Variants in LARGE1 observed in about 807,000 individuals in gnomAD.
LARGE1 encodes the protein LARGE xylosyl- and glucuronyltransferase 1, also known as xylosyl- and glucuronyltransferase LARGE1.
LARGE1 carries 43 observed loss-of-function variants against 87.6 expected under a neutral mutation model. That is an observed-to-expected ratio of 0.49 (90% confidence interval 0.38 to 0.63). LARGE1 has a LOEUF of 0.63. LARGE1 is among the 30% of genes least tolerant of loss of function. The probability of loss-of-function intolerance (pLI) is 0.00; values close to 1 mark genes in which losing one functional copy is unlikely to be tolerated. For missense variants in LARGE1, 802 were observed against 1,000.2 expected, an observed-to-expected ratio of 0.80 and a Z score of 2.67; for synonymous variants, 434 against 394.6, an observed-to-expected ratio of 1.10 and a Z score of -1.18.
At chr22:33,713,798 A>G (rs941917022) in intron 2 of LARGE1, among the ~76,000 whole-genome samples, 5 of 151,774 alleles carry the variant, frequency 3.3e-5, no homozygotes, top group African/African-American at 1.2e-4. Flanking sequence ...GCCTACAAAA[A>G]ATTTAATATT....
chr22:33,400,481 T>A (rs932458554), intron 7 of LARGE1, among the ~76,000 whole-genome samples: 3 of 152,232 alleles, frequency 2.0e-5, no homozygotes, highest in African/African-American at 7.2e-5. Context: ...TCAGATCTGC[T>A]GGCCAGTTTG....
chr22:33,201,101 G>T (rs946800680), intron 11 of LARGE1, among the ~76,000 whole-genome samples: 2 of 152,136 alleles, frequency 1.3e-5, no homozygotes, highest in African/African-American at 4.8e-5. Flanking sequence ...TTGAGGTCAG[G>T]AGTTCGTGAC....
chr22:33,723,288 A>C (rs2083164454), intron 2 of LARGE1, among the ~76,000 whole-genome samples: 1 of 152,200 alleles, frequency 6.6e-6, no homozygotes, highest in African/African-American at 2.4e-5. Flanking sequence ...CTGCAGACCA[A>C]GCCCAGATTT....
intron 11 of LARGE1, among the ~76,000 whole-genome samples, chr22:33,225,357 T>C (rs1925680561): frequency 6.6e-6 from 1 of 152,184 alleles, no homozygotes. Context: ...AGTAAGGAGA[T>C]CAATGATTGA....
At chr22:33,842,070 T>C (rs1013928621) in intron 1 of LARGE1, among the ~76,000 whole-genome samples, 14 of 152,252 alleles carry the variant, frequency 9.2e-5, no homozygotes, top group Admixed American at 7.9e-4. Context: ...TAAACACAGT[T>C]ACTGTTATCG....
chr22:33,661,676 C>A (rs1315194505), intron 2 of LARGE1, among the ~76,000 whole-genome samples: 2 of 152,058 alleles, frequency 1.3e-5, no homozygotes, highest in Non-Finnish European at 2.9e-5. Flanking sequence ...GGCTTCTGTG[C>A]CCCTCCTGCT....
intron 1 of LARGE1, among the ~76,000 whole-genome samples, chr22:33,857,491 C>T (rs1275375478): frequency 6.6e-6 from 1 of 152,226 alleles, no homozygotes; most frequent in African/African-American, 2.4e-5. Flanking sequence ...CACATACTAA[C>T]AAAACACTTA....
chr22:33,776,273 G>A (rs1394055141), intron 1 of LARGE1, among the ~76,000 whole-genome samples: 1 of 152,178 alleles, frequency 6.6e-6, no homozygotes, highest in African/African-American at 2.4e-5. Context: ...GTTTAATTGA[G>A]CCACAGGCAG....
intron 1 of LARGE1, among the ~76,000 whole-genome samples, chr22:33,831,273 G>A (rs1439008256): frequency 6.6e-6 from 1 of 151,926 alleles, no homozygotes; most frequent in Non-Finnish European, 1.5e-5. Flanking sequence ...AGGGTTCACA[G>A]GCAAAGTTGC....
chr22:33,493,039 C>T (rs936728570), intron 6 of LARGE1, among the ~76,000 whole-genome samples: 1 of 151,962 alleles, frequency 6.6e-6, no homozygotes, highest in African/African-American at 2.4e-5. Context: ...TGTTTAATGC[C>T]TGTGTAAGTG....
At chr22:33,659,048 G>C (rs1309592815) in intron 2 of LARGE1, among the ~76,000 whole-genome samples, 1 of 152,158 alleles carries the variant, frequency 6.6e-6, no homozygotes, top group Non-Finnish European at 1.5e-5. Context: ...TCCAAGCATA[G>C]GGCCTGCTTT....
At chr22:33,415,646 T>C (rs1286644075) in intron 7 of LARGE1, among the ~76,000 whole-genome samples, 1 of 152,148 alleles carries the variant, frequency 6.6e-6, no homozygotes, top group Non-Finnish European at 1.5e-5. Context: ...CTTGGCTGCC[T>C]TGCTAGGGTA....
At chr22:33,490,008 G>A (rs1402521236) in intron 6 of LARGE1, among the ~76,000 whole-genome samples, 2 of 152,262 alleles carry the variant, frequency 1.3e-5, no homozygotes, top group Non-Finnish European at 1.5e-5. Flanking sequence ...CGGTTTCCCC[G>A]CCTTGTATCC....
intron 2 of LARGE1, among the ~76,000 whole-genome samples, chr22:33,698,975 C>G (rs575366982): frequency 6.6e-6 from 1 of 152,174 alleles, no homozygotes; most frequent in Admixed American, 6.5e-5. Flanking sequence ...GCACATAGCA[C>G]GAACTCCATA....
chr22:33,413,145 T>TA (rs879835685), intron 7 of LARGE1, among the ~76,000 whole-genome samples: 127 of 149,890 alleles, frequency 8.5e-4, no homozygotes, highest in Admixed American at 2.3e-3. Context: ...TAGTCTAAAA[T>TA]AAAAAAAAAA....
chr22:33,500,798 T>C (rs1230335266), intron 6 of LARGE1, among the ~76,000 whole-genome samples: 3 of 152,226 alleles, frequency 2.0e-5, no homozygotes, highest in Admixed American at 6.5e-5. Flanking sequence ...GAATGGATCA[T>C]TATCATCATT....
At chr22:33,576,326 C>T (rs1336218468) in intron 5 of LARGE1, among the ~76,000 whole-genome samples, 1 of 152,182 alleles carries the variant, frequency 6.6e-6, no homozygotes, top group Non-Finnish European at 1.5e-5. Context: ...AACACTTCAG[C>T]GACTTCTAAG....
intron 11 of LARGE1, among the ~76,000 whole-genome samples, chr22:33,244,727 G>A (rs879379844): frequency 5.9e-5 from 9 of 152,142 alleles, no homozygotes; most frequent in South Asian, 2.1e-4. Context: ...GTAAATCATC[G>A]TGTCTAAAAT....
chr22:33,802,251 A>T (rs969073372), intron 1 of LARGE1, among the ~76,000 whole-genome samples: 5 of 152,216 alleles, frequency 3.3e-5, no homozygotes, highest in African/African-American at 1.2e-4. Flanking sequence ...ATAAGCACTT[A>T]TTCCCACTGC....
Sources: gnomAD v4.1 joint callset for allele counts (sites outside exome capture counted in the v4.1 genomes callset) on GRCh38, gnomAD v4.1.1 for gene constraint, MANE v1.5 for transcripts, NCBI Gene and HGNC (gene_info 2026-07-23, HGNC 2026-07-21) for gene names.